Variants in SUGCT observed in about 807,000 individuals in gnomAD.
The protein encoded by SUGCT is succinyl-CoA:glutarate-CoA transferase, also known as succinyl-CoA:glutarate CoA-transferase.
In SUGCT, 41 loss-of-function variants were observed where a neutral mutation model predicts 55.0. The ratio of observed to expected loss-of-function variants is 0.74; its 90% confidence interval spans 0.58 to 0.97. The LOEUF (loss-of-function observed/expected upper bound fraction) is 0.97. SUGCT is among the 50% of genes least tolerant of loss of function. The pLI, the probability that SUGCT is intolerant of heterozygous loss-of-function variation, is 0.00. For missense variants in SUGCT, 568 were observed against 547.8 expected, an observed-to-expected ratio of 1.04 and a Z score of -0.37; for synonymous variants, 187 against 200.4, an observed-to-expected ratio of 0.93 and a Z score of 0.56.
chr7:40,148,922 T>G (rs1329491332), intron 1 of SUGCT, among the ~76,000 whole-genome samples: 1 of 152,188 alleles, frequency 6.6e-6, no homozygotes, highest in Admixed American at 6.5e-5. Flanking sequence ...AAAGGGCCTG[T>G]TCAGTTCTGA....
At chr7:40,637,738 A>G (rs1000329110) in intron 12 of SUGCT, among the ~76,000 whole-genome samples, 1 of 152,224 alleles carries the variant, frequency 6.6e-6, no homozygotes, top group African/African-American at 2.4e-5. Context: ...TATAAAAGTG[A>G]TCATACTCAC....
intron 1 of SUGCT, chr7:40,151,585 A>G (rs1204718639): frequency 4.4e-6 from 1 of 227,090 alleles, no homozygotes; most frequent in African/African-American, 2.3e-5. Context: ...AGCCTGGGAC[A>G]GTGTTAGGGA....
intron 9 of SUGCT, among the ~76,000 whole-genome samples, chr7:40,402,578 T>C (rs1786134978): frequency 6.6e-6 from 1 of 152,100 alleles, no homozygotes; most frequent in African/African-American, 2.4e-5. Flanking sequence ...TGTTTATTGG[T>C]ACCTGTTTTT....
chr7:40,722,721 C>T (rs1295402545), intron 12 of SUGCT, among the ~76,000 whole-genome samples: 1 of 152,034 alleles, frequency 6.6e-6, no homozygotes, highest in Non-Finnish European at 1.5e-5. Context: ...ATGTTCAATA[C>T]CTATCTGTTT....
intron 12 of SUGCT, among the ~76,000 whole-genome samples, chr7:40,625,418 G>T (rs567953634): frequency 7.8e-4 from 119 of 152,190 alleles, no homozygotes; most frequent in African/African-American, 2.7e-3. Context: ...CCACTGGAAG[G>T]TTCTTCTTGA....
intron 11 of SUGCT, among the ~76,000 whole-genome samples, chr7:40,481,569 G>A (rs1366738437): frequency 3.3e-5 from 5 of 151,752 alleles, no homozygotes; most frequent in South Asian, 2.1e-4. Context: ...CCGGTCTAAC[G>A]TACTTAATAT....
intron 13 of SUGCT, among the ~76,000 whole-genome samples, chr7:40,756,684 C>G (rs1788268298): frequency 6.6e-6 from 1 of 152,170 alleles, no homozygotes; most frequent in South Asian, 2.1e-4. Flanking sequence ...CAGCATATAT[C>G]TCTCCATAAA....
At chr7:40,181,904 T>C in intron 2 of SUGCT, 51 bp from the exon 3 acceptor site, 2 of 1,139,838 alleles carry the variant, frequency 1.8e-6, no homozygotes, top group Non-Finnish European at 2.6e-6. Context: ...ATAATTAATA[T>C]AAACATTTTC....
the SUGCT span, among the ~76,000 whole-genome samples, chr7:40,931,531 G>A: frequency 6.6e-6 from 1 of 152,064 alleles, no homozygotes; most frequent in African/African-American, 2.4e-5. Context: ...GCTAGAATTC[G>A]GCTGTAAATC....
At chr7:40,157,182 C>G (rs936903802) in intron 1 of SUGCT, among the ~76,000 whole-genome samples, 1 of 152,058 alleles carries the variant, frequency 6.6e-6, no homozygotes, top group African/African-American at 2.4e-5. Context: ...AACCCAGTAA[C>G]GCTTATCTTA....
the SUGCT span, among the ~76,000 whole-genome samples, chr7:40,949,620 T>A: frequency 1.3e-5 from 2 of 152,220 alleles, no homozygotes; most frequent in Admixed American, 1.3e-4. Context: ...CCATCTTGAA[T>A]TAATTTTTGT....
At chr7:40,574,655 C>T (rs1202137551) in intron 12 of SUGCT, among the ~76,000 whole-genome samples, 1 of 152,188 alleles carries the variant, frequency 6.6e-6, no homozygotes, top group African/African-American at 2.4e-5. Context: ...TGGTCTCGAC[C>T]TCGTGACCTC....
At chr7:40,668,110 A>G (rs1400021707) in intron 12 of SUGCT, among the ~76,000 whole-genome samples, 1 of 152,196 alleles carries the variant, frequency 6.6e-6, no homozygotes, top group Non-Finnish European at 1.5e-5. Flanking sequence ...GTTAATTTGC[A>G]TTTGTCAGAA....
chr7:40,921,812 G>A, the SUGCT span, among the ~76,000 whole-genome samples: 12 of 152,170 alleles, frequency 7.9e-5, no homozygotes, highest in African/African-American at 2.7e-4. Flanking sequence ...GTGTGTGCAT[G>A]TATGAGCATG....
At chr7:40,704,088 T>C (rs998435362) in intron 12 of SUGCT, among the ~76,000 whole-genome samples, 7 of 152,246 alleles carry the variant, frequency 4.6e-5, no homozygotes, top group African/African-American at 1.7e-4. Flanking sequence ...TCTAGAGCCC[T>C]AGAGATTCTT....
At chr7:40,900,938 T>C in the SUGCT span, among the ~76,000 whole-genome samples, 1 of 152,340 alleles carries the variant, frequency 6.6e-6, no homozygotes. Context: ...GGAAAATATA[T>C]GTAATTGTCA....
At chr7:41,017,348 T>C in the SUGCT span, among the ~76,000 whole-genome samples, 1 of 152,068 alleles carries the variant, frequency 6.6e-6, no homozygotes, top group Non-Finnish European at 1.5e-5. Context: ...CAAAGGGGGT[T>C]GAAAACAAGG....
At position 40,544,433 on chromosome 7, in the gene SUGCT, G is replaced by A. The variant is rs112904337; in HGVS notation, c.1089+48047G>A. ...ACGAAGGAAGAATCTTCTTTGCAGC[G>A]GGCTTGCTGCAAGGGACTTTCCATG... On this transcript the variant is annotated intron_variant, in intron 12 of 13. Transcript: ENST00000335693. Among the ~76,000 whole-genome samples the A allele has an allele frequency of 6.8e-3, 1,034 of 152,256 alleles. 16 individuals are homozygous for A. Among genetic ancestry groups the A allele is most frequent in the African/African-American group, 0.023 (958 of 41,540 alleles).
chr7:40,987,027 TACAAAAATGATAAGGCAAGACA>T, the SUGCT span, among the ~76,000 whole-genome samples: 14 of 152,290 alleles, frequency 9.2e-5, no homozygotes, highest in East Asian at 2.7e-3. Context: ...GAAAAACTCA[TACAAAAATGATAAGGCAAGACA>T]TTGCTCTAGT....
Sources: allele counts gnomAD v4.1 joint callset (sites outside exome capture counted in the v4.1 genomes callset), GRCh38; gene constraint gnomAD v4.1.1; transcripts MANE v1.5; gene names NCBI Gene and HGNC (gene_info 2026-07-23, HGNC 2026-07-21).